Variants in USP34 observed in about 807,000 individuals in gnomAD.
USP34 encodes the protein ubiquitin specific peptidase 34.
A neutral mutation model predicts 460.3 loss-of-function variants in USP34; 70 were observed. The observed-to-expected ratio is 0.15, with a 90% CI of 0.13 to 0.19. USP34 has a LOEUF of 0.19. USP34 is among the 10% of genes least tolerant of loss of function. The pLI, the probability that USP34 is intolerant of heterozygous loss-of-function variation, is 1.00. For missense variants in USP34, 3,985 were observed against 4,236.2 expected, an observed-to-expected ratio of 0.94 and a Z score of 1.65; for synonymous variants, 1,647 against 1,405.3, an observed-to-expected ratio of 1.17 and a Z score of -3.85.
At chr2:61,316,318 C>T (rs1291415638) in intron 23 of USP34, among the ~76,000 whole-genome samples, 2 of 152,172 alleles carry the variant, frequency 1.3e-5, no homozygotes, top group South Asian at 4.1e-4. Flanking sequence ...GCCGTGGTGG[C>T]TCGTACCTAT....
chr2:61,369,983 T>TAAAAAAAAAAAAAAAAAAAAAAAA (rs35212285), intron 10 of USP34, among the ~76,000 whole-genome samples: 1 of 127,764 alleles, frequency 7.8e-6, no homozygotes, highest in Non-Finnish European at 1.7e-5. Flanking sequence ...TATGCCTATT[T>TAAAAAAAAAAAAAAAAAAAAAAAA]AAAAAAAAAA....
intron 2 of USP34, among the ~76,000 whole-genome samples, chr2:61,412,189 CAAAAA>C (rs10581550): frequency 2.2e-5 from 2 of 92,144 alleles, no homozygotes; most frequent in Non-Finnish European, 4.4e-5. Flanking sequence ...AACTCCATCT[CAAAAA>C]AAAAAAAAAA....
At chr2:61,225,355 T>C (rs933077543) in intron 62 of USP34, among the ~76,000 whole-genome samples, 2 of 152,132 alleles carry the variant, frequency 1.3e-5, no homozygotes, top group African/African-American at 4.8e-5. Flanking sequence ...TATTACAGTT[T>C]AGGAAAATTT....
At chr2:61,438,935 A>T (rs1558594951) in intron 1 of USP34, among the ~76,000 whole-genome samples, 2 of 152,184 alleles carry the variant, frequency 1.3e-5, no homozygotes, top group Non-Finnish European at 2.9e-5. Flanking sequence ...CTCCACTAAA[A>T]ACACACACCT....
chr2:61,207,018 G>T (rs377738885), intron 70 of USP34, 132 bp from the exon 71 acceptor site: 27 of 916,386 alleles, frequency 2.9e-5, no homozygotes, highest in East Asian at 2.2e-4. Flanking sequence ...CAAAGCAAAC[G>T]TATTTGCTTT....
intron 1 of USP34, among the ~76,000 whole-genome samples, chr2:61,445,371 GA>G (rs1695082288): frequency 6.7e-6 from 1 of 149,660 alleles, no homozygotes; most frequent in South Asian, 2.1e-4. Flanking sequence ...CCATCTCTAC[GA>G]AAAATACAAA....
At chr2:61,206,235 A>C in intron 71 of USP34, 111 bp from the exon 72 acceptor site, 2 of 843,292 alleles carry the variant, frequency 2.4e-6, no homozygotes, top group Non-Finnish European at 3.8e-6. Context: ...GTTAATTACA[A>C]AAACATCTTC....
chr2:61,467,557 G>A lies in USP34; in HGVS notation c.43+3093C>T, dbSNP rs578077184. Among the ~76,000 whole-genome samples the A allele has an allele frequency of 4.0e-5, 6 of 148,904 alleles. No individual in the cohort carries two copies. The South Asian group carries it at 1.3e-3, about 32-fold the overall frequency. ...ATTGCTTCTCTCAGCTGGCTAAACT[G>A]TTACAGGGTGTCGTATTTAAAGATG... On this transcript the variant is annotated intron_variant, in intron 1 of 79. Coordinates refer to ENST00000398571, the MANE Select transcript of USP34 (RefSeq NM_014709.4).
At chr2:61,390,822 C>T (rs1025627428) in intron 5 of USP34, among the ~76,000 whole-genome samples, 4 of 151,846 alleles carry the variant, frequency 2.6e-5, no homozygotes, top group African/African-American at 9.7e-5. Context: ...ACCAGCCAGG[C>T]GCAGTGGCTC....
At chr2:61,419,084 A>T (rs1694283294) in intron 2 of USP34, among the ~76,000 whole-genome samples, 1 of 152,202 alleles carries the variant, frequency 6.6e-6, no homozygotes, top group Admixed American at 6.5e-5. Flanking sequence ...TATTTCCACC[A>T]ATGAGGAAAT....
intron 1 of USP34, 78 bp from the exon 2 acceptor site, chr2:61,420,911 G>C: frequency 2.0e-6 from 2 of 996,480 alleles, no homozygotes; most frequent in Non-Finnish European, 2.9e-6. Flanking sequence ...ATAAAGCCAA[G>C]AGCTACAAAT....
chr2:61,452,067 G>A (rs560575759), intron 1 of USP34, among the ~76,000 whole-genome samples: 15 of 151,668 alleles, frequency 9.9e-5, no homozygotes, highest in African/African-American at 3.4e-4. Context: ...CCAGCTACTC[G>A]GGAGGCTGAG....
chr2:61,232,520 G>T lies in USP34; in HGVS notation c.7045C>A (p.Arg2349Ser), dbSNP rs1418731545. The change falls in exon 58 of 80, where the codon CGT (arginine) becomes AGT (serine). Residue 2349 changes from arginine (R) to serine (S), a missense_variant. By Grantham distance (110) the Arg-to-Ser change is moderately radical. This residue lies in a region of USP34 where 604 missense variants were observed against 684.8 expected (regional missense o/e 0.88). Coordinates refer to ENST00000398571, the MANE Select transcript of USP34 (RefSeq NM_014709.4). ...GGCCACCAGTCGTCATCAGCCATACGATCTAAAAACCACTGTTAAAAAAAA... is the reference window on the plus strand; with the variant it reads ...GGCCACCAGTCGTCATCAGCCATACTATCTAAAAACCACTGTTAAAAAAAA... ...SQAACEWFLDRMADDDWWPMQ... is the reference protein window; with the variant it reads ...SQAACEWFLDSMADDDWWPMQ... 2 of 1,606,562 alleles carry T rather than the reference G, an allele frequency of 1.2e-6. No individual in the cohort carries two copies. Among genetic ancestry groups the T allele is most frequent in the Non-Finnish European group, 8.5e-7 (1 of 1,178,134 alleles).
Position 61,405,992 on chromosome 2 carries a change from T to A in USP34, c.268A>T (p.Ile90Leu). The A allele has an allele frequency of 6.2e-7, 1 of 1,613,822 alleles. No homozygotes were observed. Among genetic ancestry groups the A allele is most frequent in the Non-Finnish European group, 8.5e-7 (1 of 1,179,976 alleles). The change falls in exon 3 of 80, where the codon ATA (isoleucine) becomes TTA (leucine). Residue 90 changes from isoleucine (I) to leucine (L), a missense_variant. This residue lies in a region of USP34 where 331 missense variants were observed against 293.7 expected (regional missense o/e 1.13). Transcript: ENST00000398571. Reference protein sequence around the residue: ...QLCKHCTTINIDSTWQDESNQ... With the variant: ...QLCKHCTTINLDSTWQDESNQ... ...CTCTCATCTTGCCACGTGGAATCTA[T>A]GTTAATGGTAGTACAATGTTTACAA...
rs530813034 is a variant in USP34, at chr2:61,216,251, T to C, written c.8048-1557A>G. Among the ~76,000 whole-genome samples the C allele has an allele frequency of 8.5e-5, 13 of 152,362 alleles. No individual in the cohort carries two copies. The South Asian group carries it at 2.7e-3, about 32-fold the overall frequency. On this transcript the variant is annotated intron_variant, in intron 67 of 79. Coordinates refer to ENST00000398571, the MANE Select transcript of USP34 (RefSeq NM_014709.4). Reference sequence around the variant, plus strand: ...ATAAAAACCTGGCATGTAGGTATCATCCTGATCAATTTTTGCATAAAACTT... The same window carrying C: ...ATAAAAACCTGGCATGTAGGTATCACCCTGATCAATTTTTGCATAAAACTT...
intron 1 of USP34, among the ~76,000 whole-genome samples, chr2:61,444,450 G>C (rs1179867297): frequency 6.6e-6 from 1 of 152,076 alleles, no homozygotes; most frequent in African/African-American, 2.4e-5. Flanking sequence ...GAAAGCAAAA[G>C]AGAGAAGGAA....
At position 61,325,537 on chromosome 2, in the gene USP34, C is replaced by G. The variant is rs1198226564; in HGVS notation, c.2931-80G>C. On this transcript the variant is annotated intron_variant, in intron 20 of 79. Coordinates refer to ENST00000398571, the MANE Select transcript of USP34 (RefSeq NM_014709.4). The stretch of plus-strand genomic sequence containing the variant: ...AAAAATTTAGTGGTCCTATGCATAA[C>G]TTATACCAAAAATTGTTTTAATAAT... The G allele has an allele frequency of 8.0e-6, 6 of 747,154 alleles. No homozygotes were observed. The East Asian group carries it at 1.4e-4, about 17-fold the overall frequency. The allele number at this position is 747,154 out of a possible 1,614,324, so 46.3% of individuals were successfully genotyped here. A position where few individuals can be genotyped will look rare whatever the true frequency, so the allele number is the denominator to read the frequency against.
At chr2:61,453,714 C>CAAAA (rs1169951643) in intron 1 of USP34, among the ~76,000 whole-genome samples, 3 of 31,812 alleles carry the variant, frequency 9.4e-5, no homozygotes, top group African/African-American at 1.8e-4. Flanking sequence ...CATTCCATCT[C>CAAAA]AAAAAAAAAA....
At chr2:61,236,434 A>G in intron 53 of USP34, 45 bp from the exon 54 acceptor site, 1 of 1,382,932 alleles carries the variant, frequency 7.2e-7, no homozygotes, top group Non-Finnish European at 9.9e-7. Context: ...AGTTTACTTC[A>G]TTACATTTTA....
Sources: allele counts gnomAD v4.1 joint callset (sites outside exome capture counted in the v4.1 genomes callset), GRCh38; gene constraint gnomAD v4.1.1; regional missense constraint gnomAD v4.1.1; transcripts MANE v1.5; gene names NCBI Gene and HGNC (gene_info 2026-07-23, HGNC 2026-07-21).